Variants in AIG1 observed in about 807,000 individuals in gnomAD.
AIG1 encodes androgen-induced gene 1 protein.
A neutral mutation model predicts 31.4 loss-of-function variants in AIG1; 23 were observed. The ratio of observed to expected loss-of-function variants is 0.73; its 90% confidence interval spans 0.53 to 1.04. The LOEUF (loss-of-function observed/expected upper bound fraction) is 1.04. Among genes scored for constraint, AIG1 ranks in the 50% least tolerant of loss-of-function variants. The pLI, the probability that AIG1 is intolerant of heterozygous loss-of-function variation, is 0.00. For synonymous variants in AIG1, 100 were observed against 110.5 expected (o/e 0.90, Z 0.60); for missense variants, 274 against 295.0 (o/e 0.93, Z 0.52).
At chr6:143,236,621 G>T (rs1415913775) in intron 3 of AIG1, among the ~76,000 whole-genome samples, 1 of 152,118 alleles carries the variant, frequency 6.6e-6, no homozygotes, top group Non-Finnish European at 1.5e-5. Context: ...GGCAACCGTG[G>T]GGTTCCACTT....
chr6:143,276,696 T>C (rs1460754883), intron 3 of AIG1, among the ~76,000 whole-genome samples: 1 of 152,058 alleles, frequency 6.6e-6, no homozygotes, highest in Non-Finnish European at 1.5e-5. Context: ...TTCCTCATCA[T>C]TCAAAACACT....
intron 3 of AIG1, among the ~76,000 whole-genome samples, chr6:143,219,642 C>G (rs1157333134): frequency 1.3e-5 from 2 of 152,200 alleles, no homozygotes; most frequent in East Asian, 1.9e-4. Context: ...GAATCCCACC[C>G]TCTTAACTCT....
chr6:143,110,135 C>T (rs770877960), intron 1 of AIG1, among the ~76,000 whole-genome samples: 9 of 152,106 alleles, frequency 5.9e-5, no homozygotes, highest in Non-Finnish European at 1.0e-4. Flanking sequence ...AGCAGTTGAC[C>T]GTTTATGTGT....
In AIG1 at chr6:143,060,952, G is replaced by A. The variant is rs1396171766; in HGVS notation, c.27G>A (p.Leu9=). ...TGGCGCTTGTCCCCTGCCAGGTGCT[G>A]CGGATGGCAATCCTGCTGTCTTACT... The part of the protein sequence containing the change: MALVPCQV[L]RMAILLSYCS... The change falls in exon 1 of 6, where the codon CTG becomes CTA. Residue 9 remains leucine, a synonymous_variant. Transcript: ENST00000357847. The A allele has an allele frequency of 1.2e-6, 2 of 1,612,012 alleles. No homozygotes were observed. Among genetic ancestry groups the A allele is most frequent in the Non-Finnish European group, 1.7e-6 (2 of 1,179,604 alleles).
At chr6:143,316,673 GAAAC>G (rs1286521107) in intron 4 of AIG1, among the ~76,000 whole-genome samples, 2 of 151,682 alleles carry the variant, frequency 1.3e-5, no homozygotes, top group East Asian at 3.9e-4. Flanking sequence ...AAATGAAATT[GAAAC>G]AAACAAAGAA....
intron 4 of AIG1, among the ~76,000 whole-genome samples, chr6:143,313,860 T>C (rs776415789): frequency 3.3e-5 from 5 of 152,010 alleles, no homozygotes; most frequent in Non-Finnish European, 7.4e-5. Flanking sequence ...TTTAAAAATT[T>C]AAATTAAAAA....
At chr6:143,068,248 A>C (rs1003546532) in intron 1 of AIG1, among the ~76,000 whole-genome samples, 1 of 152,182 alleles carries the variant, frequency 6.6e-6, no homozygotes, top group African/African-American at 2.4e-5. Flanking sequence ...CTGAAATGTC[A>C]TGTTTCTGGG....
chr6:143,286,966 C>A (rs78496895), intron 4 of AIG1, among the ~76,000 whole-genome samples: 1 of 146,312 alleles, frequency 6.8e-6, no homozygotes, highest in Non-Finnish European at 1.5e-5. Flanking sequence ...TTCCCAGCCC[C>A]GTTGCAGTCC....
At chr6:143,249,755 C>G (rs545814789) in intron 3 of AIG1, among the ~76,000 whole-genome samples, 22 of 152,328 alleles carry the variant, frequency 1.4e-4, no homozygotes, top group Admixed American at 2.0e-4. Flanking sequence ...TTCAACCCCC[C>G]CTATGTTTGC....
At chr6:143,116,715 A>T (rs774767607) in intron 1 of AIG1, among the ~76,000 whole-genome samples, 2 of 150,468 alleles carry the variant, frequency 1.3e-5, no homozygotes, top group Non-Finnish European at 3.0e-5. Flanking sequence ...GGGAACTTTC[A>T]TACTGGGGAG....
chr6:143,117,138 G>C (rs755934276), intron 1 of AIG1, among the ~76,000 whole-genome samples: 8 of 150,434 alleles, frequency 5.3e-5, no homozygotes, highest in Non-Finnish European at 1.0e-4. Flanking sequence ...TGAAGAGCTG[G>C]AGGAAGTGAG....
chr6:143,277,260 G>A (rs1000552166), intron 3 of AIG1, among the ~76,000 whole-genome samples: 15 of 152,054 alleles, frequency 9.9e-5, no homozygotes, highest in African/African-American at 3.4e-4. Flanking sequence ...CAAAATATTC[G>A]AGTTACAATC....
intron 2 of AIG1, among the ~76,000 whole-genome samples, chr6:143,151,074 T>A (rs530710190): frequency 6.6e-6 from 1 of 152,254 alleles, no homozygotes; most frequent in East Asian, 1.9e-4. Context: ...TCATATTGGT[T>A]CCAAAGATGA....
chr6:143,071,701 G>A (rs1025581125), intron 1 of AIG1, among the ~76,000 whole-genome samples: 2 of 151,074 alleles, frequency 1.3e-5, no homozygotes, highest in Non-Finnish European at 2.9e-5. Context: ...TGTTGTTGTT[G>A]TTGTTCTTCT....
chr6:143,134,258 C>T (rs764093508), intron 1 of AIG1, among the ~76,000 whole-genome samples: 8 of 151,946 alleles, frequency 5.3e-5, no homozygotes, highest in Non-Finnish European at 1.0e-4. Flanking sequence ...ATCCTTCTCT[C>T]TCTAGAGGTA....
chr6:143,218,004 G>A (rs1028996921), intron 3 of AIG1, among the ~76,000 whole-genome samples: 4 of 152,206 alleles, frequency 2.6e-5, no homozygotes, highest in African/African-American at 9.6e-5. Flanking sequence ...TGCAATAGAA[G>A]GAAGTACAAC....
chr6:143,091,441 A>C (rs1002953554), intron 1 of AIG1, among the ~76,000 whole-genome samples: 1 of 152,240 alleles, frequency 6.6e-6, no homozygotes, highest in Non-Finnish European at 1.5e-5. Context: ...GCAGATTATA[A>C]TGAGCTTAAC....
At chr6:143,205,135 C>A (rs1016837502) in intron 3 of AIG1, among the ~76,000 whole-genome samples, 2 of 152,120 alleles carry the variant, frequency 1.3e-5, no homozygotes, top group African/African-American at 4.8e-5. Flanking sequence ...GGCAGTGGGG[C>A]AGGTAAATTG....
chr6:143,186,857 A>C (rs1789307309), intron 3 of AIG1: 1 of 154,844 alleles, frequency 6.5e-6, no homozygotes, highest in Non-Finnish European at 1.4e-5. Flanking sequence ...ATCTTCTTAA[A>C]TTTCTGTACT....
Sources: allele counts gnomAD v4.1 joint callset (sites outside exome capture counted in the v4.1 genomes callset), GRCh38; gene constraint gnomAD v4.1.1; transcripts MANE v1.5; gene names NCBI Gene and HGNC (gene_info 2026-07-23, HGNC 2026-07-21).